USH2A: variants seen among roughly 807,000 people sequenced by gnomAD.
USH2A encodes usherin.
Under a neutral mutation model 538.9 loss-of-function variants are expected in USH2A, and 443 were observed. The ratio of observed to expected loss-of-function variants is 0.82; its 90% CI spans 0.76 to 0.89. USH2A has a LOEUF of 0.89. USH2A is among the 40% of genes least tolerant of loss of function. The pLI, the probability that USH2A is intolerant of heterozygous loss-of-function variation, is 0.00. For missense variants in USH2A, 6,633 were observed against 6,324.8 expected (o/e 1.05, Z -1.65); for synonymous variants, 2,413 against 2,273.5 (o/e 1.06, Z -1.75).
Position 215,970,739 on chromosome 1 carries a change from T to C in USH2A, c.6843A>G (p.Ile2281Met), listed in dbSNP as rs1195257429. ...TGAGTTCTGAGGAATTGTGGATTAA[T>C]ATACCATCTAGATATAATCCATAAC... ...ITSYGLYLDG[I>M]LIHNSSELSY... is the part of the protein sequence containing the mutation. Residue 2281 changes from isoleucine to methionine, a missense_variant, in exon 36 of 72, where the codon ATA (isoleucine) becomes ATG (methionine). Ile to Met is a conservative substitution (Grantham distance 10). Transcript: ENST00000307340. The C allele has an allele frequency of 7.4e-6, 12 of 1,613,624 alleles. No homozygotes were observed. The Admixed American group carries it at 1.3e-4, about 18-fold the overall frequency.
chr1:216,183,373 A>T (rs895860891), intron 20 of USH2A, among the ~76,000 whole-genome samples: 2 of 152,092 alleles, frequency 1.3e-5, no homozygotes, highest in Non-Finnish European at 2.9e-5. Context: ...AAAGAAAAAA[A>T]AAAGCATTTA....
rs766221473 is a variant in USH2A at position 215,758,713 on chromosome 1, G to A, written c.11271C>T (p.Ser3757=). ...GAACAATGTAATCATCACTAGCACT[G>A]CTGCCACCTCCAGTTTTGACTTCTA... is the stretch of plus-strand genomic sequence containing the variant. ...YKLEVKTGGG[S]SASDDYIVQT... The change falls in exon 58 of 72, where the codon AGC becomes AGT. Residue 3757 remains serine (S), a synonymous_variant. Coordinates refer to ENST00000307340, the MANE Select transcript of USH2A (RefSeq NM_206933.4). 3.1e-6 allele frequency: 5 copies of A among 1,613,930 alleles called. No individual in the cohort carries two copies. The highest frequency in any genetic ancestry group is 4.2e-6 in the Non-Finnish European group (5 of 1,179,974).
intron 62 of USH2A, 130 bp from the exon 63 acceptor site, chr1:215,675,746 A>ATATTAATTGG: frequency 6.5e-7 from 1 of 1,528,716 alleles, no homozygotes; most frequent in Non-Finnish European, 8.8e-7. Flanking sequence ...AAGTATTCTG[A>ATATTAATTGG]TATTAATTGG....
At chr1:215,781,432 G>A (rs1437252046) in intron 54 of USH2A, among the ~76,000 whole-genome samples, 1 of 152,124 alleles carries the variant, frequency 6.6e-6, no homozygotes, top group African/African-American at 2.4e-5. Flanking sequence ...TACTCAAGCA[G>A]ATATTTGACA....
At chr1:215,774,164 G>A (rs12122219) in intron 55 of USH2A, among the ~76,000 whole-genome samples, 18,581 of 151,954 alleles carry the variant, frequency 0.12, 1,253 homozygotes, top group African/African-American at 0.13. Flanking sequence ...CAAAACAAAG[G>A]GACTCTTGCA....
intron 64 of USH2A, among the ~76,000 whole-genome samples, chr1:215,669,050 G>T (rs1417102390): frequency 6.6e-6 from 1 of 151,982 alleles, no homozygotes; most frequent in South Asian, 2.1e-4. Flanking sequence ...CTCGAACAAA[G>T]AAACAAACAA....
chr1:215,741,885 T>G (rs1483211926), intron 59 of USH2A, among the ~76,000 whole-genome samples: 1 of 152,220 alleles, frequency 6.6e-6, no homozygotes, highest in Non-Finnish European at 1.5e-5. Flanking sequence ...CAAGTGTATG[T>G]GTGACCTACA....
chr1:216,202,868 C>T (rs562986562), intron 16 of USH2A, among the ~76,000 whole-genome samples: 1 of 152,174 alleles, frequency 6.6e-6, no homozygotes, highest in Non-Finnish European at 1.5e-5. Context: ...GGCATGGTTA[C>T]ATTTCCTACA....
At chr1:216,077,792 A>G (rs1447742381) in intron 27 of USH2A, among the ~76,000 whole-genome samples, 1 of 150,342 alleles carries the variant, frequency 6.7e-6, no homozygotes, top group East Asian at 1.9e-4. Context: ...ATTATGTACC[A>G]CATATATAAT....
rs774485493 is a variant in USH2A at position 215,628,982 on chromosome 1, GCTGCGGATACTCACAGGTGTC to G, written c.15330_15350del (p.Thr5111_Ser5117del). 2.5e-6 allele frequency: 4 copies of G among 1,613,958 alleles called. No individual in the cohort carries two copies. The highest frequency in any genetic ancestry group is 1.7e-6 in the Non-Finnish European group (2 of 1,180,048). ...TGCGCAGGACACATGCACTCCGGTT[GCTGCGGATACTCACAGGTGTC>G]CCAGACCGGGGAATTTTGGTATCGG... On this transcript the variant is annotated inframe_deletion, in exon 71 of 72. Coordinates refer to ENST00000307340, the MANE Select transcript of USH2A (RefSeq NM_206933.4).
At chr1:216,339,492 G>C (rs2038034866) in intron 4 of USH2A, among the ~76,000 whole-genome samples, 1 of 151,566 alleles carries the variant, frequency 6.6e-6, no homozygotes, top group Non-Finnish European at 1.5e-5. Context: ...TGTGGGAGGA[G>C]GTTGTTGATG....
At chr1:216,162,864 C>T (rs572334270) in intron 21 of USH2A, among the ~76,000 whole-genome samples, 3 of 152,138 alleles carry the variant, frequency 2.0e-5, no homozygotes, top group South Asian at 4.1e-4. Context: ...CTATGTTTCT[C>T]ATAGGATTAT....
chr1:216,407,689 C>T (rs189001110), intron 3 of USH2A, among the ~76,000 whole-genome samples: 11 of 151,996 alleles, frequency 7.2e-5, no homozygotes, highest in East Asian at 1.9e-4. Flanking sequence ...GACGTTAGTG[C>T]GAATTGTTCA....
At chr1:216,374,900 G>A (rs1241907915) in intron 3 of USH2A, among the ~76,000 whole-genome samples, 1 of 152,046 alleles carries the variant, frequency 6.6e-6, no homozygotes, top group African/African-American at 2.4e-5. Flanking sequence ...AAGGAATCCT[G>A]GTTCCTCTAA....
intron 47 of USH2A, among the ~76,000 whole-genome samples, chr1:215,832,399 T>G (rs1663346477): frequency 1.3e-5 from 2 of 151,894 alleles, no homozygotes. Flanking sequence ...TAATAGTATA[T>G]TGCATCCCCC....
chr1:216,271,659 GA>G (rs1408487950), intron 11 of USH2A, among the ~76,000 whole-genome samples: 1 of 152,048 alleles, frequency 6.6e-6, no homozygotes, highest in Non-Finnish European at 1.5e-5. Context: ...GGTTTTTGCA[GA>G]TGCCCTTTTC....
chr1:216,288,636 C>A (rs936084298), intron 11 of USH2A, among the ~76,000 whole-genome samples: 1 of 151,868 alleles, frequency 6.6e-6, no homozygotes, highest in Non-Finnish European at 1.5e-5. Context: ...TCTCCTTTAC[C>A]GATTTTCACA....
intron 35 of USH2A, among the ~76,000 whole-genome samples, chr1:215,980,541 T>C (rs1182634781): frequency 2.0e-5 from 3 of 152,120 alleles, no homozygotes; most frequent in Non-Finnish European, 4.4e-5. Flanking sequence ...AATAGAATGT[T>C]GCCAGCACCC....
intron 55 of USH2A, among the ~76,000 whole-genome samples, chr1:215,769,051 C>T (rs1358872077): frequency 2.6e-5 from 4 of 152,152 alleles, no homozygotes; most frequent in African/African-American, 4.8e-5. Context: ...ATAATTCCAT[C>T]GGTATCCCTG....
Sources: gnomAD v4.1 joint callset for allele counts (sites outside exome capture counted in the v4.1 genomes callset) on GRCh38, gnomAD v4.1.1 for gene constraint, MANE v1.5 for transcripts, NCBI Gene and HGNC (gene_info 2026-07-23, HGNC 2026-07-21) for gene names.